CATSPER3: variants seen among roughly 807,000 people sequenced by gnomAD.
The protein encoded by CATSPER3 is cation channel sperm-associated protein 3.
CATSPER3 carries 23 observed loss-of-function variants against 36.6 expected under a neutral mutation model. That is an observed-to-expected ratio of 0.63 (90% CI 0.45 to 0.89). The LOEUF is 0.89. CATSPER3 is among the 40% of genes least tolerant of loss of function. The probability of loss-of-function intolerance (pLI) is 0.00; values close to 1 mark genes in which losing one functional copy is unlikely to be tolerated. For synonymous variants in CATSPER3, 172 were observed against 184.1 expected (o/e 0.93, Z 0.53); for missense variants, 474 against 503.9 (o/e 0.94, Z 0.57).
chr5:134,988,608 C>T (rs527995119), intron 2 of CATSPER3, among the ~76,000 whole-genome samples: 26 of 152,342 alleles, frequency 1.7e-4, no homozygotes, highest in African/African-American at 5.5e-4. Context: ...AGCAACTCCT[C>T]ATCTCTTCAA....
At position 135,011,586 on chromosome 5, in the gene CATSPER3, A is replaced by C. The variant is rs1752180770; in HGVS notation, c.1160A>C (p.Glu387Ala). The change falls in exon 8 of 8, where the codon GAG becomes GCG. Residue 387 changes from glutamate to alanine, a missense_variant. Glu to Ala is a moderately radical substitution (Grantham distance 107). Coordinates refer to ENST00000282611, the MANE Select transcript of CATSPER3 (RefSeq NM_178019.3). ...LSLMLEDLPQ[E>A]KPQSLEKVDE... ...CTAATGCTGGAAGACTTGCCCCAGG[A>C]GAAGCCCCAGTCCTTGGAAAAGGTG... 2 of 1,613,950 alleles carry C rather than the reference A, an allele frequency of 1.2e-6. No homozygotes were observed. Among genetic ancestry groups the C allele is most frequent in the Admixed American group, 3.3e-5 (2 of 60,002 alleles).
At chr5:134,997,425 CCTT>C (rs1306641809) in intron 3 of CATSPER3, among the ~76,000 whole-genome samples, 3 of 152,246 alleles carry the variant, frequency 2.0e-5, no homozygotes, top group South Asian at 4.1e-4. Flanking sequence ...CCCTCCCTCT[CCTT>C]CTCTTCATGG....
At chr5:134,979,373 G>A (rs746069260) in intron 2 of CATSPER3, among the ~76,000 whole-genome samples, 1 of 152,280 alleles carries the variant, frequency 6.6e-6, no homozygotes, top group Non-Finnish European at 1.5e-5. Flanking sequence ...CTGGGCTCAA[G>A]TGATCCACTC....
At chr5:134,992,122 GAA>G (rs570177877) in intron 2 of CATSPER3, among the ~76,000 whole-genome samples, 1 of 123,628 alleles carries the variant, frequency 8.1e-6, no homozygotes. Context: ...ACCCTGTTTT[GAA>G]AAAAAAAAAA....
intron 2 of CATSPER3, among the ~76,000 whole-genome samples, chr5:134,990,253 G>A (rs1751861429): frequency 6.6e-6 from 1 of 152,128 alleles, no homozygotes; most frequent in South Asian, 2.1e-4. Context: ...ACACAGTTTG[G>A]TTTTATACGT....
At chr5:134,978,944 G>A (rs1261738484) in intron 2 of CATSPER3, among the ~76,000 whole-genome samples, 7 of 151,990 alleles carry the variant, frequency 4.6e-5, no homozygotes, top group Non-Finnish European at 5.9e-5. Flanking sequence ...GGATGGTCTC[G>A]ATCTCCTGAC....
chr5:135,008,725 C>T (rs545212028), intron 4 of CATSPER3, 116 bp from the exon 5 acceptor site: 19 of 834,210 alleles, frequency 2.3e-5, no homozygotes, highest in East Asian at 1.5e-4. Context: ...GAGGGGATGA[C>T]GTGGAAGCGG....
intron 2 of CATSPER3, among the ~76,000 whole-genome samples, chr5:134,993,596 G>T (rs1751908505): frequency 6.6e-6 from 1 of 152,108 alleles, no homozygotes; most frequent in African/African-American, 2.4e-5. Flanking sequence ...GGGAAGTACA[G>T]ATACGGTAGA....
intron 2 of CATSPER3, among the ~76,000 whole-genome samples, chr5:134,973,720 C>T (rs1017469937): frequency 6.6e-6 from 1 of 152,148 alleles, no homozygotes. Context: ...TATTGAAACT[C>T]ATTAAATAAT....
At chr5:135,011,444 G>A (rs150125670) in intron 7 of CATSPER3, 77 bp from the exon 8 acceptor site, 14 of 985,176 alleles carry the variant, frequency 1.4e-5, no homozygotes, top group Middle Eastern at 2.3e-4. Context: ...AGGTGCAAAC[G>A]TGTGGTCAGT....
Position 134,968,182 on chromosome 5 carries a change from A to G in CATSPER3, c.98+93A>G. 3.4e-6 allele frequency: 3 copies of G among 883,938 alleles called. 1 individual carries two copies. In the South Asian group the frequency reaches 4.2e-5, roughly 12 times the overall value. 54.8% of individuals were successfully genotyped at this position (883,938 alleles called of 1,614,324 possible). A position where few individuals can be genotyped will look rare whatever the true frequency, so the allele number is the denominator to read the frequency against. ...GTGTTCTCTCAGCCTCTTCCCTCAG[A>G]TACTCGTCTGCTTACCAAAATAAGT... is the stretch of plus-strand genomic sequence containing the variant. On this transcript the variant is annotated intron_variant, in intron 1 of 7. Transcript: ENST00000282611.
intron 7 of CATSPER3, 149 bp downstream of exon 7, chr5:135,010,679 C>A (rs1290650729): frequency 2.6e-6 from 2 of 763,150 alleles, no homozygotes; most frequent in African/African-American, 3.4e-5. Flanking sequence ...TTACAGGATT[C>A]CATATATACA....
At chr5:135,002,520 G>A (rs1196695703) in intron 3 of CATSPER3, among the ~76,000 whole-genome samples, 2 of 152,140 alleles carry the variant, frequency 1.3e-5, no homozygotes, top group African/African-American at 2.4e-5. Context: ...GCCTTGCTAG[G>A]TTGGGGAAGT....
In CATSPER3 at chr5:134,967,912, C is replaced by A; in HGVS notation, c.-80C>A. On this transcript the variant is annotated 5_prime_UTR_variant, in exon 1 of 8. Transcript: ENST00000282611. ...CCCCTTCTCTGCTGCCTCTCAGAAT[C>A]CAGACGCTAAGGAAAATCCCTAAGC... 1 of 1,068,398 alleles carries A rather than the reference C, an allele frequency of 9.4e-7. No individual in the cohort carries two copies. The highest frequency in any genetic ancestry group is 1.3e-5 in the South Asian group (1 of 78,046). The allele number at this position is 1,068,398 out of a possible 1,614,324, so 66.2% of individuals were successfully genotyped here.
At chr5:134,995,925 A>G (rs997262716) in intron 2 of CATSPER3, 5 of 369,494 alleles carry the variant, frequency 1.4e-5, no homozygotes, top group Non-Finnish European at 2.1e-5. Context: ...AAGTTTGTAT[A>G]TTCATGTTGG....
chr5:134,971,244 C>T (rs913498527), intron 2 of CATSPER3, among the ~76,000 whole-genome samples: 1 of 151,964 alleles, frequency 6.6e-6, no homozygotes, highest in Admixed American at 6.6e-5. Flanking sequence ...CCACTGTGCC[C>T]GGCCCCTCCC....
chr5:134,968,423 G>A lies in CATSPER3; in HGVS notation c.98+334G>A, dbSNP rs370404335. ...AAGTATATACATTCTGGCTGGGCAC[G>A]GTGGCTCACACCTGTAATCCCTGCA... On this transcript the variant is annotated intron_variant, in intron 1 of 7. Transcript: ENST00000282611. 1.8e-4 allele frequency: 62 copies of A among 337,012 alleles called. 1 individual carries two copies. In the East Asian group the frequency reaches 2.4e-3, roughly 13 times the overall value. 20.9% of individuals were successfully genotyped at this position (337,012 alleles called of 1,614,324 possible). A position where few individuals can be genotyped will look rare whatever the true frequency, so the allele number is the denominator to read the frequency against.
intron 2 of CATSPER3, among the ~76,000 whole-genome samples, chr5:134,987,386 A>T (rs1389111957): frequency 2.0e-5 from 3 of 152,218 alleles, no homozygotes. Flanking sequence ...GTAGTTTCAC[A>T]TGTGAATTCT....
chr5:134,995,985 G>T, intron 2 of CATSPER3: 1 of 488,232 alleles, frequency 2.0e-6, no homozygotes, highest in Non-Finnish European at 3.8e-6. Flanking sequence ...TTCAGGTTGA[G>T]TTGCAGTATG....
Sources: allele counts gnomAD v4.1 joint callset (sites outside exome capture counted in the v4.1 genomes callset), GRCh38; gene constraint gnomAD v4.1.1; transcripts MANE v1.5; gene names NCBI Gene and HGNC (gene_info 2026-07-23, HGNC 2026-07-21).